The following FRMD6 variants were observed in gnomAD, a reference collection of about 807,000 sequenced individuals.
FRMD6 encodes the protein FERM domain-containing protein 6.
A neutral mutation model predicts 73.2 loss-of-function variants in FRMD6; 37 were observed. The ratio of observed to expected loss-of-function variants is 0.51; its 90% CI spans 0.39 to 0.66. FRMD6 has a LOEUF of 0.66. Among genes scored for constraint, FRMD6 ranks in the 30% least tolerant of loss-of-function variants. The probability of loss-of-function intolerance (pLI) is 0.00; values close to 1 mark genes in which losing one functional copy is unlikely to be tolerated. For synonymous variants in FRMD6, 273 were observed against 282.2 expected (o/e 0.97, Z 0.33); for missense variants, 714 against 780.5 (o/e 0.91, Z 1.02).
At chr14:51,619,660 C>T (rs921592303) in intron 2 of FRMD6, among the ~76,000 whole-genome samples, 1 of 152,168 alleles carries the variant, frequency 6.6e-6, no homozygotes, top group Non-Finnish European at 1.5e-5. Context: ...CAGTGTATTA[C>T]TGGAACCTAG....
intron 2 of FRMD6, among the ~76,000 whole-genome samples, chr14:51,692,311 T>A (rs1374202730): frequency 6.6e-6 from 1 of 152,258 alleles, no homozygotes; most frequent in Admixed American, 6.5e-5. Flanking sequence ...CAATATAAGT[T>A]ATAATTGAAT....
chr14:51,426,548 C>T, the FRMD6 span, among the ~76,000 whole-genome samples: 453 of 152,266 alleles, frequency 3.0e-3, 2 homozygotes, highest in Middle Eastern at 0.027. Context: ...TATTTTTGCA[C>T]TTTATTTACT....
chr14:51,643,211 G>A (rs1256148176), intron 2 of FRMD6, among the ~76,000 whole-genome samples: 1 of 149,692 alleles, frequency 6.7e-6, no homozygotes, highest in African/African-American at 2.4e-5. Flanking sequence ...ACATATAAAC[G>A]TCACAGATCA....
chr14:51,556,280 T>G (rs1465116), intron 1 of FRMD6, among the ~76,000 whole-genome samples: 57,901 of 152,072 alleles, frequency 0.38, 11,267 homozygotes, highest in East Asian at 0.56. Flanking sequence ...CAGATTTCTG[T>G]ATTTTAATGT....
At chr14:51,508,579 C>A (rs1022145773) in intron 1 of FRMD6, among the ~76,000 whole-genome samples, 8 of 152,238 alleles carry the variant, frequency 5.3e-5, no homozygotes, top group African/African-American at 1.9e-4. Flanking sequence ...AATACATGTC[C>A]TGAAAACTCA....
chr14:51,557,086 G>C (rs1256024247), intron 1 of FRMD6, among the ~76,000 whole-genome samples: 1 of 152,018 alleles, frequency 6.6e-6, no homozygotes, highest in Non-Finnish European at 1.5e-5. Flanking sequence ...TAGAATGTGA[G>C]TTTAGCCTGG....
At chr14:51,412,339 A>C in the FRMD6 span, among the ~76,000 whole-genome samples, 3 of 152,322 alleles carry the variant, frequency 2.0e-5, no homozygotes, top group Admixed American at 1.3e-4. Flanking sequence ...TGACGTGATG[A>C]ATCTCAATCA....
At chr14:51,409,939 T>C in the FRMD6 span, among the ~76,000 whole-genome samples, 1 of 152,178 alleles carries the variant, frequency 6.6e-6, no homozygotes, top group East Asian at 1.9e-4. Flanking sequence ...TTGAAAATCA[T>C]CTGGCATCCT....
chr14:51,434,631 TA>T, the FRMD6 span, among the ~76,000 whole-genome samples: 4 of 152,120 alleles, frequency 2.6e-5, no homozygotes, highest in Non-Finnish European at 5.9e-5. Context: ...ATTATTTAAA[TA>T]AAAATTATTC....
intron 1 of FRMD6, among the ~76,000 whole-genome samples, chr14:51,568,953 C>G (rs1198588626): frequency 3.3e-5 from 5 of 150,582 alleles, no homozygotes; most frequent in Non-Finnish European, 7.4e-5. Flanking sequence ...TCAAGCAGTT[C>G]TCCTGCCTCA....
At chr14:51,600,533 GACAT>G (rs1257980772) in intron 2 of FRMD6, among the ~76,000 whole-genome samples, 1 of 152,162 alleles carries the variant, frequency 6.6e-6, no homozygotes, top group Non-Finnish European at 1.5e-5. Flanking sequence ...CAAAGTTCCT[GACAT>G]ACCCATTTAT....
intron 13 of FRMD6, 120 bp downstream of exon 13, chr14:51,725,990 GA>G (rs1897933793): frequency 4.8e-6 from 3 of 624,034 alleles, no homozygotes; most frequent in Non-Finnish European, 5.7e-6. Flanking sequence ...ATCCTTCCTA[GA>G]TACGTACATT....
At chr14:51,558,515 C>T (rs75541439) in intron 1 of FRMD6, among the ~76,000 whole-genome samples, 1,838 of 150,828 alleles carry the variant, frequency 0.012, 32 homozygotes, top group African/African-American at 0.042. Context: ...AAATGAATAA[C>T]TGAGTATATA....
the FRMD6 span, among the ~76,000 whole-genome samples, chr14:51,468,709 A>G: frequency 6.6e-6 from 1 of 152,198 alleles, no homozygotes; most frequent in African/African-American, 2.4e-5. Flanking sequence ...GCATGATGTT[A>G]GCTGTAGATG....
intron 3 of FRMD6, 39 bp downstream of exon 3, chr14:51,698,271 A>C: frequency 1.4e-6 from 2 of 1,391,818 alleles, no homozygotes; most frequent in Non-Finnish European, 2.0e-6. Flanking sequence ...TTAGCCAACT[A>C]TCCCTGAGGA....
chr14:51,412,590 G>A, the FRMD6 span, among the ~76,000 whole-genome samples: 2 of 152,088 alleles, frequency 1.3e-5, no homozygotes, highest in African/African-American at 4.8e-5. Context: ...GGTGGCTCAC[G>A]CCTGTAATCC....
chr14:51,721,892 A>G, intron 11 of FRMD6, 57 bp from the exon 12 acceptor site: 2 of 1,597,432 alleles, frequency 1.3e-6, no homozygotes, highest in African/African-American at 1.3e-5. Flanking sequence ...ATGGTTGCAT[A>G]TTATGATGGT....
chr14:51,431,172 A>G, the FRMD6 span, among the ~76,000 whole-genome samples: 3 of 152,208 alleles, frequency 2.0e-5, no homozygotes, highest in African/African-American at 4.8e-5. Context: ...CAATTGCAGA[A>G]TTAGAGAAGG....
chr14:51,405,747 G>T, the FRMD6 span, among the ~76,000 whole-genome samples: 2 of 152,084 alleles, frequency 1.3e-5, no homozygotes, highest in East Asian at 3.9e-4. Flanking sequence ...TTTTCCAGAT[G>T]CATGGTTTGC....
Sources: gnomAD v4.1 joint callset for allele counts (sites outside exome capture counted in the v4.1 genomes callset) on GRCh38, gnomAD v4.1.1 for gene constraint, MANE v1.5 for transcripts, NCBI Gene and HGNC (gene_info 2026-07-23, HGNC 2026-07-21) for gene names.